Variants in LMO7 observed in about 807,000 individuals in gnomAD.
LMO7 encodes the protein LIM domain only protein 7.
A neutral mutation model predicts 206.5 loss-of-function variants in LMO7; 120 were observed. That is an observed-to-expected ratio of 0.58 (90% CI 0.50 to 0.68). The LOEUF (loss-of-function observed/expected upper bound fraction) is 0.68. Ranked by LOEUF, LMO7 falls within the 30% of genes least tolerant of loss-of-function variation. The pLI is 0.00. For synonymous variants in LMO7, 706 were observed against 681.5 expected (o/e 1.04, Z -0.56); for missense variants, 1,959 against 1,957.9 (o/e 1.00, Z -0.01).
At chr13:75,649,515 A>G (rs1228895682) in intron 1 of LMO7, among the ~76,000 whole-genome samples, 2 of 152,202 alleles carry the variant, frequency 1.3e-5, no homozygotes, top group Admixed American at 1.3e-4. Flanking sequence ...CAACAGAGTA[A>G]TCTATCACGT....
chr13:75,663,432 C>CTTTCTTTCTTTCTTTCTTTCTTTCTTT (rs1555289857), intron 1 of LMO7, among the ~76,000 whole-genome samples: 1 of 111,408 alleles, frequency 9.0e-6, no homozygotes, highest in African/African-American at 3.8e-5. Flanking sequence ...TTCTTTCTTT[C>CTTTCTTTCTTTCTTTCTTTCTTTCTTT]TTTTTTTTTT....
chr13:75,626,135 G>A (rs1001777591), intron 2 of LMO7, among the ~76,000 whole-genome samples: 1 of 152,152 alleles, frequency 6.6e-6, no homozygotes, highest in Non-Finnish European at 1.5e-5. Context: ...AGTCAGTCCT[G>A]TACTCTTTAA....
At chr13:75,673,747 A>AT (rs556075077) in intron 1 of LMO7, among the ~76,000 whole-genome samples, 150 of 152,202 alleles carry the variant, frequency 9.9e-4, no homozygotes, top group Non-Finnish European at 1.7e-3. Context: ...TTTAAAAAGT[A>AT]TTTTTTTCTG....
intron 4 of LMO7, 84 bp downstream of exon 4, chr13:75,761,122 T>A: frequency 1.2e-6 from 1 of 856,834 alleles, no homozygotes; most frequent in Non-Finnish European, 1.8e-6. Context: ...TGCTGAGAGT[T>A]CATGATTACA....
At chr13:75,626,595 A>ATATATTTTTTTTTTTTTTTTTT in intron 2 of LMO7, among the ~76,000 whole-genome samples, 1 of 71,100 alleles carries the variant, frequency 1.4e-5, no homozygotes, top group Non-Finnish European at 3.6e-5. Context: ...ATATATATAA[A>ATATATTTTTTTTTTTTTTTTTT]TTTTTTTGAG....
At chr13:75,626,531 G>C (rs1374814446) in intron 2 of LMO7, among the ~76,000 whole-genome samples, 1 of 146,228 alleles carries the variant, frequency 6.8e-6, no homozygotes, top group Non-Finnish European at 1.5e-5. Context: ...TGAGATTTGG[G>C]TGGGGACACA....
At chr13:75,748,180 C>T (rs1382637588) in intron 3 of LMO7, among the ~76,000 whole-genome samples, 3 of 152,106 alleles carry the variant, frequency 2.0e-5, no homozygotes, top group African/African-American at 4.8e-5. Context: ...CCCAAGGGCA[C>T]CTTGATTTTA....
intron 1 of LMO7, among the ~76,000 whole-genome samples, chr13:75,638,443 A>G (rs1001306220): frequency 1.8e-4 from 28 of 152,204 alleles, no homozygotes; most frequent in African/African-American, 5.1e-4. Flanking sequence ...CTCTCATCGC[A>G]GTCTATGTAA....
At chr13:75,669,487 G>A (rs931873366) in intron 1 of LMO7, among the ~76,000 whole-genome samples, 7 of 152,240 alleles carry the variant, frequency 4.6e-5, no homozygotes, top group East Asian at 1.9e-4. Context: ...GAAGTAAATC[G>A]GAGATGCGAA....
rs987837205 is a variant in LMO7, at chr13:75,821,221, T to C, written c.2252T>C (p.Met751Thr). The change falls in exon 14 of 31, where the codon ATG becomes ACG. Residue 751 changes from methionine to threonine, a missense_variant. Transcript: ENST00000377534. ...TCTACAGTTCCGTCAAGAAGGAGAA[T>C]GTATTCTTTTGATGATGTGCTGGAG... ...QKSTVPSRRR[M>T]YSFDDVLEEG... 1.9e-6 allele frequency: 3 copies of C among 1,612,522 alleles called. No homozygotes were observed. The highest frequency in any genetic ancestry group is 2.5e-6 in the Non-Finnish European group (3 of 1,179,554).
At chr13:75,812,345 T>C (rs2056494286) in intron 11 of LMO7, among the ~76,000 whole-genome samples, 1 of 152,250 alleles carries the variant, frequency 6.6e-6, no homozygotes, top group Non-Finnish European at 1.5e-5. Context: ...TTAGCATTGA[T>C]TGCTCTTCAG....
chr13:75,766,925 A>G (rs552785170), intron 4 of LMO7, among the ~76,000 whole-genome samples: 22 of 152,190 alleles, frequency 1.4e-4, no homozygotes, highest in African/African-American at 5.3e-4. Flanking sequence ...ATCTTTGCCA[A>G]CTCATCCTCT....
intron 4 of LMO7, among the ~76,000 whole-genome samples, chr13:75,773,977 A>G (rs2050066155): frequency 6.6e-6 from 1 of 151,926 alleles, no homozygotes; most frequent in East Asian, 1.9e-4. Flanking sequence ...GCTGGTGTAA[A>G]ATGATCACTG....
At chr13:75,839,132 T>A (rs2059378402) in intron 20 of LMO7, among the ~76,000 whole-genome samples, 1 of 152,194 alleles carries the variant, frequency 6.6e-6, no homozygotes, top group Non-Finnish European at 1.5e-5. Flanking sequence ...GCTATGCAAG[T>A]CTATTTGTGT....
chr13:75,808,279 C>T (rs1030909231), intron 10 of LMO7, 80 bp downstream of exon 10: 21 of 1,427,706 alleles, frequency 1.5e-5, no homozygotes, highest in African/African-American at 7.2e-5. Flanking sequence ...AGCAGCTCAT[C>T]GTGTTGCTCA....
In LMO7 at chr13:75,840,447, G is replaced by A. The variant is rs1171924468; in HGVS notation, c.3534G>A (p.Glu1178=). The A allele has an allele frequency of 6.2e-7, 1 of 1,613,958 alleles. No individual in the cohort carries two copies. Among genetic ancestry groups the A allele is most frequent in the East Asian group, 2.2e-5 (1 of 44,886 alleles). ...GCTGGGTGTGGGATCAAGAGGAGGA[G>A]CGGAAGCGGCAGGAGAGGTGGCAGA... ...PSRWVWDQEE[E]RKRQERWQKE... is the part of the protein sequence containing the mutation. The change falls in exon 22 of 31, where the codon GAG becomes GAA. Residue 1178 remains glutamate, a synonymous_variant. Coordinates refer to ENST00000377534, the MANE Select transcript of LMO7 (RefSeq NM_001306080.2).
chr13:75,839,126 T>C (rs948669424), intron 20 of LMO7, among the ~76,000 whole-genome samples: 1 of 152,244 alleles, frequency 6.6e-6, no homozygotes, highest in South Asian at 2.1e-4. Flanking sequence ...TTACCAGCTA[T>C]GCAAGTCTAT....
chr13:75,796,631 T>G lies in LMO7; in HGVS notation c.349-5T>G. 1 of 1,582,976 alleles carries G rather than the reference T, an allele frequency of 6.3e-7. No individual in the cohort carries two copies. Among genetic ancestry groups the G allele is most frequent in the Admixed American group, 1.7e-5 (1 of 58,216 alleles). On this transcript the variant is annotated splice_polypyrimidine_tract_variant and splice_region_variant and intron_variant, in intron 5 of 30. Transcript: ENST00000377534. ...TTGTTGTTCATGGATTTTTTTTTTT[T>G]TAAGGTTTTGATAACATTGTACTGG...
At chr13:75,724,702 A>G (rs1024495890) in intron 2 of LMO7, among the ~76,000 whole-genome samples, 5 of 152,154 alleles carry the variant, frequency 3.3e-5, no homozygotes, top group African/African-American at 9.7e-5. Flanking sequence ...GAACTATTCT[A>G]AAAGGGTTTC....
Sources: allele counts gnomAD v4.1 joint callset (sites outside exome capture counted in the v4.1 genomes callset), GRCh38; gene constraint gnomAD v4.1.1; transcripts MANE v1.5; gene names NCBI Gene and HGNC (gene_info 2026-07-23, HGNC 2026-07-21).